The following MARK2 variants were observed in gnomAD, a reference collection of about 807,000 sequenced individuals.
The protein encoded by MARK2 is microtubule affinity regulating kinase 2.
MARK2 carries 16 observed loss-of-function variants against 89.8 expected under a neutral mutation model. The observed-to-expected ratio is 0.18, with a 90% CI of 0.12 to 0.27. The LOEUF (loss-of-function observed/expected upper bound fraction) is 0.27, where lower values mean the gene tolerates loss of function less well. MARK2 is among the 10% of genes least tolerant of loss of function. MARK2 has a pLI of 1.00. For synonymous variants in MARK2, 382 were observed against 399.5 expected, an observed-to-expected ratio of 0.96 and a Z score of 0.52; for missense variants, 621 against 1,049.9, an observed-to-expected ratio of 0.59 and a Z score of 5.65.
At chr11:63,847,307 A>G (rs1272404556) in intron 1 of MARK2, among the ~76,000 whole-genome samples, 1 of 152,222 alleles carries the variant, frequency 6.6e-6, no homozygotes, top group Non-Finnish European at 1.5e-5. Flanking sequence ...TATAAAACTA[A>G]ATGAACAGAA....
intron 1 of MARK2, among the ~76,000 whole-genome samples, chr11:63,894,172 GTCTC>G (rs1940160505): frequency 6.6e-6 from 1 of 152,196 alleles, no homozygotes; most frequent in Non-Finnish European, 1.5e-5. Flanking sequence ...ACATAAGCCA[GTCTC>G]TCTAAGTGCT....
chr11:63,862,410 G>A (rs1164747528), intron 1 of MARK2, among the ~76,000 whole-genome samples: 3 of 152,194 alleles, frequency 2.0e-5, no homozygotes, highest in Non-Finnish European at 4.4e-5. Flanking sequence ...CCAGGCAGTA[G>A]AAGATAGTTT....
chr11:63,871,504 C>G (rs1479225212), intron 1 of MARK2, among the ~76,000 whole-genome samples: 1 of 151,334 alleles, frequency 6.6e-6, no homozygotes, highest in African/African-American at 2.4e-5. Context: ...TCACTGTGTG[C>G]AGGTGTGGCT....
chr11:63,857,881 C>T (rs1230768497), intron 1 of MARK2, among the ~76,000 whole-genome samples: 2 of 151,866 alleles, frequency 1.3e-5, no homozygotes, highest in African/African-American at 4.8e-5. Flanking sequence ...CTCATTCTGT[C>T]ACCCGGGTTA....
intron 1 of MARK2, among the ~76,000 whole-genome samples, chr11:63,877,870 A>G (rs1938859093): frequency 6.6e-6 from 1 of 152,214 alleles, no homozygotes; most frequent in Non-Finnish European, 1.5e-5. Flanking sequence ...TTCAGCCTAA[A>G]GCCATAAGCT....
At chr11:63,846,543 A>G (rs989858946) in intron 1 of MARK2, among the ~76,000 whole-genome samples, 1 of 151,820 alleles carries the variant, frequency 6.6e-6, no homozygotes. Context: ...TTTAGTAGAG[A>G]TGGGGTTTCA....
At chr11:63,850,060 T>C (rs2016488638) in intron 1 of MARK2, 1 of 152,252 alleles carries the variant, frequency 6.6e-6, no homozygotes, top group Non-Finnish European at 1.5e-5. Flanking sequence ...TTGGGATTTC[T>C]CTGTAATCAG....
intron 1 of MARK2, among the ~76,000 whole-genome samples, chr11:63,859,383 G>A (rs1009265377): frequency 2.7e-5 from 4 of 150,514 alleles, no homozygotes; most frequent in Admixed American, 2.0e-4. Context: ...GCAGTGGCAC[G>A]ATCTCGGCCC....
chr11:63,854,030 G>A (rs913563024), intron 1 of MARK2, among the ~76,000 whole-genome samples: 73 of 151,884 alleles, frequency 4.8e-4, no homozygotes, highest in Middle Eastern at 3.4e-3. Flanking sequence ...CTGCCACCAC[G>A]CCTGGCTAAT....
intron 7 of MARK2, 32 bp from the exon 8 acceptor site, chr11:63,899,842 G>A: frequency 6.8e-7 from 1 of 1,460,862 alleles, no homozygotes; most frequent in Non-Finnish European, 9.6e-7. Flanking sequence ...TGGTCCACTT[G>A]GTTCCCTGAT....
At chr11:63,842,023 C>G (rs545607440) in intron 1 of MARK2, among the ~76,000 whole-genome samples, 1 of 152,164 alleles carries the variant, frequency 6.6e-6, no homozygotes, top group Non-Finnish European at 1.5e-5. Context: ...ACATTGTCAT[C>G]CTGTTAGGAT....
At chr11:63,883,572 A>G (rs1226920978) in intron 1 of MARK2, among the ~76,000 whole-genome samples, 1 of 151,562 alleles carries the variant, frequency 6.6e-6, no homozygotes, top group Admixed American at 6.6e-5. Flanking sequence ...AAACACTGAC[A>G]TGGATTTTCC....
At chr11:63,847,471 C>T (rs1368830551) in intron 1 of MARK2, among the ~76,000 whole-genome samples, 2 of 152,064 alleles carry the variant, frequency 1.3e-5, no homozygotes, top group African/African-American at 2.4e-5. Flanking sequence ...ATGAGGAAGG[C>T]GGAGCAGACC....
intron 1 of MARK2, among the ~76,000 whole-genome samples, chr11:63,840,774 G>C (rs890756510): frequency 6.6e-6 from 1 of 152,122 alleles, no homozygotes. Context: ...CTAAGTCTCT[G>C]TAATGCCCAG....
chr11:63,865,972 C>G (rs1022813472), intron 1 of MARK2, among the ~76,000 whole-genome samples: 5 of 152,216 alleles, frequency 3.3e-5, no homozygotes, highest in African/African-American at 1.2e-4. Flanking sequence ...AATGTCTCTT[C>G]TACCCTGCTC....
At chr11:63,852,673 T>TAAA (rs550449276) in intron 1 of MARK2, among the ~76,000 whole-genome samples, 1 of 102,614 alleles carries the variant, frequency 9.7e-6, no homozygotes, top group Non-Finnish European at 2.1e-5. Flanking sequence ...AAATAAGAAC[T>TAAA]AAAAAAAAAA....
At chr11:63,893,920 T>A (rs563223453) in intron 1 of MARK2, among the ~76,000 whole-genome samples, 1 of 152,228 alleles carries the variant, frequency 6.6e-6, no homozygotes, top group Non-Finnish European at 1.5e-5. Context: ...TATCTGATTA[T>A]GTATATGCAA....
chr11:63,888,194 G>A (rs1033361315), intron 1 of MARK2, among the ~76,000 whole-genome samples: 14 of 152,076 alleles, frequency 9.2e-5, no homozygotes, highest in Non-Finnish European at 1.9e-4. Flanking sequence ...AGGTCCGTCC[G>A]CCACTGTCAG....
rs1235591828 is a variant in MARK2 at position 63,865,610 on chromosome 11, A to G, written c.54+26050A>G. ...TTTCCTTGCTAATGAAAAGGCTGTC[A>G]TAATGGGTTAGGTCCATAGGGGCTC... On this transcript the variant is annotated intron_variant, in intron 1 of 18. Coordinates refer to ENST00000402010, the MANE Select transcript of MARK2 (RefSeq NM_001039469.3). 3.3e-5 allele frequency among the ~76,000 whole-genome samples: 5 copies of G among 152,240 alleles called. No individual in the cohort carries two copies. In the East Asian group the frequency reaches 9.6e-4, roughly 29 times the overall value.
Sources: gnomAD v4.1 joint callset for allele counts (sites outside exome capture counted in the v4.1 genomes callset) on GRCh38, gnomAD v4.1.1 for gene constraint, MANE v1.5 for transcripts, NCBI Gene and HGNC (gene_info 2026-07-23, HGNC 2026-07-21) for gene names.